Variants in ANO4 observed in about 807,000 individuals in gnomAD.
ANO4 encodes the protein anoctamin-4.
Under a neutral mutation model 141.9 loss-of-function variants are expected in ANO4, and 69 were observed. The observed-to-expected ratio is 0.49, with a 90% confidence interval of 0.40 to 0.59. The LOEUF is 0.59. ANO4 is among the 20% of genes least tolerant of loss of function. The probability of loss-of-function intolerance (pLI) is 0.00; values close to 1 mark genes in which losing one functional copy is unlikely to be tolerated. For synonymous variants in ANO4, 350 were observed against 394.3 expected, an observed-to-expected ratio of 0.89 and a Z score of 1.33; for missense variants, 894 against 1,162.2, an observed-to-expected ratio of 0.77 and a Z score of 3.36.
At chr12:101,022,991 G>A (rs1214108931) in intron 9 of ANO4, among the ~76,000 whole-genome samples, 3 of 152,186 alleles carry the variant, frequency 2.0e-5, no homozygotes, top group Admixed American at 6.5e-5. Context: ...CGCCTGCCTC[G>A]GCCTCTCAAA....
chr12:100,807,253 G>C (rs112069741), intron 1 of ANO4, among the ~76,000 whole-genome samples: 27 of 152,246 alleles, frequency 1.8e-4, no homozygotes, highest in African/African-American at 5.5e-4. Flanking sequence ...CTTGGGCCAA[G>C]GCAGGGGTGA....
intron 1 of ANO4, among the ~76,000 whole-genome samples, chr12:100,836,935 T>A (rs2036959694): frequency 6.6e-6 from 1 of 152,036 alleles, no homozygotes; most frequent in Non-Finnish European, 1.5e-5. Context: ...TGACTGCAGG[T>A]CTAGAACTCA....
chr12:101,092,893 G>C (rs1431932630), intron 17 of ANO4, among the ~76,000 whole-genome samples: 1 of 151,992 alleles, frequency 6.6e-6, no homozygotes, highest in African/African-American at 2.4e-5. Flanking sequence ...TTTGAGAAAG[G>C]TTGTCTCATC....
chr12:101,062,675 T>G (rs1369491872), intron 14 of ANO4, among the ~76,000 whole-genome samples: 3 of 152,200 alleles, frequency 2.0e-5, no homozygotes, highest in Non-Finnish European at 2.9e-5. Context: ...GGCGGCTTTG[T>G]TTACACTGTG....
At chr12:100,907,957 A>G (rs1031552198) in intron 2 of ANO4, among the ~76,000 whole-genome samples, 1 of 152,242 alleles carries the variant, frequency 6.6e-6, no homozygotes, top group African/African-American at 2.4e-5. Flanking sequence ...TATTACTATA[A>G]TACAATTAAA....
chr12:100,960,089 A>G lies in ANO4; in HGVS notation c.457-11217A>G, dbSNP rs528412648. 1.1e-4 allele frequency among the ~76,000 whole-genome samples: 17 copies of G among 152,240 alleles called. 1 individual carries two copies. The South Asian group carries it at 3.5e-3, about 32-fold the overall frequency. On this transcript the variant is annotated intron_variant, in intron 5 of 27. Transcript: ENST00000392977. ...GACTTCAAGGCTCTGCTCACAGCTC[A>G]ATGGCTAGAGCTCATGATATGGCTC...
In ANO4 at chr12:101,120,617, G is replaced by T. The variant is rs549304402; in HGVS notation, c.2668G>T (p.Val890Phe). ...VLAARLAFII[V>F]FEHLVFCIKH... Reference sequence around the variant, plus strand: ...AGCTGCTCGATTAGCTTTTATCATTGTCTTTGAGGTAAGTTTCCTCAGCCA... The same window carrying T: ...AGCTGCTCGATTAGCTTTTATCATTTTCTTTGAGGTAAGTTTCCTCAGCCA... Residue 890 changes from valine (V) to phenylalanine (F), a missense_variant, in exon 26 of 28, where the codon GTC becomes TTC. By Grantham distance (50) the Val-to-Phe change is conservative. Transcript: ENST00000392977. The T allele has an allele frequency of 6.2e-7, 1 of 1,613,602 alleles. No individual in the cohort carries two copies. Among genetic ancestry groups the T allele is most frequent in the South Asian group, 1.1e-5 (1 of 91,046 alleles).
Position 100,741,716 on chromosome 12 carries a change from A to T in ANO4, c.358+1611A>T, listed in dbSNP as rs145398796. Reference sequence around the variant, plus strand: ...AGTTTGACAGCGGAAAGAAATCACTATCTGGGGCTTGAAAATGTTTCTGTA... The same window carrying T: ...AGTTTGACAGCGGAAAGAAATCACTTTCTGGGGCTTGAAAATGTTTCTGTA... On this transcript the variant is annotated intron_variant, in intron 3 of 29. Coordinates refer to the ANO4 transcript ENST00000644049. Among the ~76,000 whole-genome samples the T allele has an allele frequency of 6.1e-3, 925 of 152,308 alleles. 13 individuals carry two copies. The highest frequency in any genetic ancestry group is 0.022 in the African/African-American group (895 of 41,582).
At chr12:100,981,540 G>A (rs945728783) in intron 7 of ANO4, among the ~76,000 whole-genome samples, 4 of 152,108 alleles carry the variant, frequency 2.6e-5, no homozygotes, top group African/African-American at 4.8e-5. Context: ...TCATCTGTAG[G>A]TTCCCTCTAG....
chr12:100,726,985 G>T (rs1041564449), intron 1 of ANO4, among the ~76,000 whole-genome samples: 1 of 120,754 alleles, frequency 8.3e-6, no homozygotes, highest in African/African-American at 3.0e-5. Flanking sequence ...TCCCTAAAAA[G>T]GACTTCTACT....
intron 9 of ANO4, among the ~76,000 whole-genome samples, chr12:101,032,294 C>T (rs566258881): frequency 5.0e-4 from 76 of 152,220 alleles, no homozygotes; most frequent in Non-Finnish European, 9.4e-4. Context: ...TACAACCATC[C>T]GATCTTCAGC....
chr12:101,082,474 C>A (rs1055013130), intron 15 of ANO4, among the ~76,000 whole-genome samples: 1 of 152,206 alleles, frequency 6.6e-6, no homozygotes, highest in Non-Finnish European at 1.5e-5. Context: ...AGCTCAAGGG[C>A]TCTTGATGAC....
chr12:100,789,364 G>A (rs1273555250), intron 3 of ANO4, among the ~76,000 whole-genome samples: 1 of 152,172 alleles, frequency 6.6e-6, no homozygotes, highest in Non-Finnish European at 1.5e-5. Flanking sequence ...TAAGTGCTGA[G>A]TCACTGGCCT....
intron 2 of ANO4, among the ~76,000 whole-genome samples, chr12:100,916,866 T>C (rs1175338912): frequency 6.6e-6 from 1 of 152,152 alleles, no homozygotes; most frequent in Non-Finnish European, 1.5e-5. Flanking sequence ...GAAACTCATT[T>C]TTTTGTTGCT....
chr12:100,909,596 A>C (rs142943937), intron 2 of ANO4, among the ~76,000 whole-genome samples: 59 of 152,342 alleles, frequency 3.9e-4, no homozygotes, highest in African/African-American at 1.4e-3. Context: ...TAACCTTATT[A>C]TGCTGAAGAG....
rs1385016629 is a variant in ANO4, at chr12:100,942,400, A to G, written c.321A>G (p.Ser107=). Residue 107 remains serine, a synonymous_variant, in exon 5 of 28, where the codon TCA becomes TCG. Transcript: ENST00000392977. ...GGETVPERNK[S]NGLYFRDGKC... ...AGACAGTGCCAGAAAGAAACAAATC[A>G]AATGGACTTTACTTTCGAGATGGAA... 6.2e-7 allele frequency: 1 copy of G among 1,614,024 alleles called. No homozygotes were observed. The highest frequency in any genetic ancestry group is 1.1e-5 in the South Asian group (1 of 91,046).
intron 8 of ANO4, among the ~76,000 whole-genome samples, chr12:100,991,527 A>G (rs1396179443): frequency 2.0e-5 from 3 of 151,042 alleles, no homozygotes; most frequent in African/African-American, 7.3e-5. Context: ...AAAAAAAAAA[A>G]AAAAAAAGAG....
chr12:100,737,989 C>A (rs2031687261), intron 2 of ANO4, among the ~76,000 whole-genome samples: 1 of 152,182 alleles, frequency 6.6e-6, no homozygotes, highest in Non-Finnish European at 1.5e-5. Flanking sequence ...AGAAGAAAGA[C>A]TCCTCCTAAA....
chr12:101,067,763 G>A (rs1230160369), intron 14 of ANO4, among the ~76,000 whole-genome samples: 1 of 152,182 alleles, frequency 6.6e-6, no homozygotes, highest in Non-Finnish European at 1.5e-5. Context: ...AGGCTTAGCT[G>A]ATTTTAAAGG....
Sources: allele counts gnomAD v4.1 joint callset (sites outside exome capture counted in the v4.1 genomes callset), GRCh38; gene constraint gnomAD v4.1.1; transcripts MANE v1.5; gene names NCBI Gene and HGNC (gene_info 2026-07-23, HGNC 2026-07-21).